IQCM: variants seen among roughly 807,000 people sequenced by gnomAD.
The protein encoded by IQCM is IQ domain-containing protein M.
In IQCM, 45 loss-of-function variants were observed where a neutral mutation model predicts 57.6. The ratio of observed to expected loss-of-function variants is 0.78; its 90% CI spans 0.62 to 1.00. The LOEUF is 1.00. Among genes scored for constraint, IQCM ranks in the 50% least tolerant of loss-of-function variants. IQCM has a pLI of 0.00. For missense variants in IQCM, 468 were observed against 511.6 expected (o/e 0.91, Z 0.82); for synonymous variants, 148 against 158.9 (o/e 0.93, Z 0.51).
intron 8 of IQCM, among the ~76,000 whole-genome samples, chr4:149,620,536 G>T (rs564787283): frequency 1.3e-5 from 2 of 152,300 alleles, no homozygotes; most frequent in Admixed American, 1.3e-4. Context: ...GCATTACGTG[G>T]CCTTTTAAGA....
chr4:149,600,445 C>G lies in IQCM; in HGVS notation c.682-12448G>C, dbSNP rs138033677. Among the ~76,000 whole-genome samples, 89 of 151,920 alleles carry G rather than the reference C, an allele frequency of 5.9e-4. 1 individual carries two copies. The highest frequency in any genetic ancestry group is 4.4e-5 in the Non-Finnish European group (3 of 67,974). ...CAGAAAGTTAAATTGGGGATACAGG[C>G]GGGAAGTTTTTAATCTATGAAAATA... is the stretch of plus-strand genomic sequence containing the variant. On this transcript the variant is annotated intron_variant, in intron 8 of 13. Transcript: ENST00000636793.
chr4:149,508,092 C>A (rs1744015909), intron 12 of IQCM, among the ~76,000 whole-genome samples: 1 of 151,954 alleles, frequency 6.6e-6, no homozygotes, highest in South Asian at 2.1e-4. Context: ...GGTTTGGGAA[C>A]CTCTGCCTAG....
At chr4:149,495,047 A>T (rs1742510793) in intron 12 of IQCM, among the ~76,000 whole-genome samples, 1 of 152,096 alleles carries the variant, frequency 6.6e-6, no homozygotes, top group South Asian at 2.1e-4. Flanking sequence ...GGAGAAAGTA[A>T]GAAAAAGGTA....
intron 12 of IQCM, among the ~76,000 whole-genome samples, chr4:149,506,432 C>T (rs1743821531): frequency 6.6e-6 from 1 of 152,144 alleles, no homozygotes; most frequent in African/African-American, 2.4e-5. Flanking sequence ...GAGTAAAATA[C>T]ATTTCCATAG....
chr4:149,813,441 T>C (rs1484956382), intron 2 of IQCM, among the ~76,000 whole-genome samples: 1 of 151,992 alleles, frequency 6.6e-6, no homozygotes, highest in African/African-American at 2.4e-5. Context: ...CAAGAAGTAA[T>C]TGAAGTACTA....
intron 12 of IQCM, among the ~76,000 whole-genome samples, chr4:149,543,168 AG>A (rs1748025886): frequency 6.6e-6 from 1 of 152,132 alleles, no homozygotes; most frequent in African/African-American, 2.4e-5. Flanking sequence ...TATTATTATA[AG>A]AAAAATGAAA....
intron 7 of IQCM, among the ~76,000 whole-genome samples, chr4:149,648,335 G>A (rs1438820123): frequency 1.3e-5 from 2 of 152,102 alleles, no homozygotes; most frequent in Non-Finnish European, 2.9e-5. Flanking sequence ...TGAGAATGAT[G>A]GTTTCCAGCT....
At chr4:149,490,228 C>A (rs1234750648) in intron 12 of IQCM, among the ~76,000 whole-genome samples, 1 of 151,832 alleles carries the variant, frequency 6.6e-6, no homozygotes, top group African/African-American at 2.4e-5. Flanking sequence ...ATATATATAT[C>A]TGCATGCATA....
At chr4:149,546,574 T>C (rs1331959401) in intron 12 of IQCM, among the ~76,000 whole-genome samples, 2 of 152,146 alleles carry the variant, frequency 1.3e-5, no homozygotes, top group African/African-American at 4.8e-5. Context: ...TGGCCAGTGA[T>C]GACAAACATT....
intron 2 of IQCM, among the ~76,000 whole-genome samples, chr4:149,791,733 T>G (rs140107970): frequency 7.9e-5 from 12 of 152,320 alleles, no homozygotes; most frequent in African/African-American, 2.4e-4. Flanking sequence ...TCATATAATG[T>G]CCTTATTTTA....
Position 149,752,450 on chromosome 4 carries a change from G to A in IQCM, c.-48-9711C>T, listed in dbSNP as rs538987543. ...ACCTGTAATCCCAGCTACTCACAGG[G>A]CTGAGGCAGGAGAATTGCTTGAACC... On this transcript the variant is annotated intron_variant, in intron 2 of 13. Coordinates refer to ENST00000636793, the MANE Select transcript of IQCM (RefSeq NM_001363507.2). Among the ~76,000 whole-genome samples the A allele has an allele frequency of 1.4e-4, 22 of 151,936 alleles. No individual in the cohort carries two copies. In the South Asian group the frequency reaches 4.4e-3, roughly 30 times the overall value.
At chr4:149,528,099 C>T (rs1263951827) in intron 12 of IQCM, among the ~76,000 whole-genome samples, 1 of 151,896 alleles carries the variant, frequency 6.6e-6, no homozygotes, top group Non-Finnish European at 1.5e-5. Context: ...GATTCTCGTG[C>T]CGCAGCCTCC....
At chr4:149,726,269 C>T (rs1429968402) in intron 5 of IQCM, among the ~76,000 whole-genome samples, 3 of 152,106 alleles carry the variant, frequency 2.0e-5, no homozygotes, top group African/African-American at 4.8e-5. Context: ...CCCATCCTAC[C>T]CTCAAGTGAA....
At chr4:149,463,064 C>A (rs1249678453) in intron 12 of IQCM, among the ~76,000 whole-genome samples, 1 of 152,088 alleles carries the variant, frequency 6.6e-6, no homozygotes, top group East Asian at 1.9e-4. Flanking sequence ...GCATGATTCC[C>A]AATATTTAGG....
At chr4:149,412,888 T>G (rs950642506) in intron 13 of IQCM, among the ~76,000 whole-genome samples, 9 of 152,044 alleles carry the variant, frequency 5.9e-5, no homozygotes, top group Admixed American at 2.0e-4. Flanking sequence ...CCAGGGAAAG[T>G]TAAAAAGTTC....
At chr4:149,634,342 T>A (rs751767722) in intron 7 of IQCM, among the ~76,000 whole-genome samples, 2 of 152,208 alleles carry the variant, frequency 1.3e-5, no homozygotes, top group African/African-American at 4.8e-5. Flanking sequence ...TATGCTAACA[T>A]GAATGACCAT....
chr4:149,638,848 A>T (rs527930854), intron 7 of IQCM, among the ~76,000 whole-genome samples: 2 of 152,250 alleles, frequency 1.3e-5, no homozygotes, highest in South Asian at 4.2e-4. Flanking sequence ...CCTGGACAGA[A>T]AGCATCACGT....
intron 13 of IQCM, among the ~76,000 whole-genome samples, chr4:149,404,929 G>A (rs1183585593): frequency 6.6e-6 from 1 of 151,974 alleles, no homozygotes; most frequent in Non-Finnish European, 1.5e-5. Context: ...ATTCTATATA[G>A]CAAGCATAAT....
At chr4:149,740,200 G>A (rs562999977) in intron 3 of IQCM, among the ~76,000 whole-genome samples, 3 of 152,310 alleles carry the variant, frequency 2.0e-5, no homozygotes, top group African/African-American at 7.2e-5. Flanking sequence ...AAGCAAAGAT[G>A]TGTGGCCACA....
Sources: allele counts gnomAD v4.1 joint callset (sites outside exome capture counted in the v4.1 genomes callset), GRCh38; gene constraint gnomAD v4.1.1; transcripts MANE v1.5; gene names NCBI Gene and HGNC (gene_info 2026-07-23, HGNC 2026-07-21).